TRPM6: variants seen among roughly 807,000 people sequenced by gnomAD.
The protein encoded by TRPM6 is transient receptor potential cation channel subfamily M member 6, also known as channel kinase 2.
In TRPM6, 111 loss-of-function variants were observed where a neutral mutation model predicts 247.6. The ratio of observed to expected loss-of-function variants is 0.45; its 90% CI spans 0.38 to 0.52. The LOEUF is 0.52. Among genes scored for constraint, TRPM6 ranks in the 20% least tolerant of loss-of-function variants. The pLI, the probability that TRPM6 is intolerant of heterozygous loss-of-function variation, is 0.00. For synonymous variants in TRPM6, 892 were observed against 853.8 expected (o/e 1.04, Z -0.78); for missense variants, 2,126 against 2,421.5 (o/e 0.88, Z 2.56).
At chr9:74,814,569 T>C (rs1037823413) in intron 11 of TRPM6, among the ~76,000 whole-genome samples, 2 of 152,042 alleles carry the variant, frequency 1.3e-5, no homozygotes, top group Non-Finnish European at 2.9e-5. Flanking sequence ...CATAAATATA[T>C]ACACCCACTG....
intron 7 of TRPM6, among the ~76,000 whole-genome samples, chr9:74,826,307 G>C (rs557002016): frequency 5.3e-5 from 8 of 152,304 alleles, no homozygotes; most frequent in Admixed American, 4.6e-4. Context: ...GCTTCAATCT[G>C]TCTGACCTCA....
At chr9:74,731,848 T>C (rs1369037416) in intron 37 of TRPM6, among the ~76,000 whole-genome samples, 1 of 152,028 alleles carries the variant, frequency 6.6e-6, no homozygotes, top group African/African-American at 2.4e-5. Flanking sequence ...TGGGAACTTG[T>C]AAGAAATGCA....
chr9:74,869,872 T>G (rs1242924625), intron 1 of TRPM6, among the ~76,000 whole-genome samples: 1 of 152,206 alleles, frequency 6.6e-6, no homozygotes, highest in Non-Finnish European at 1.5e-5. Context: ...TGAAGTAATC[T>G]TATATCTCTG....
At chr9:74,800,902 G>T (rs1217467453) in intron 16 of TRPM6, among the ~76,000 whole-genome samples, 25 of 126,998 alleles carry the variant, frequency 2.0e-4, no homozygotes, top group African/African-American at 4.2e-4. Flanking sequence ...CTAATAAAGT[G>T]TGTTTTTTTT....
intron 20 of TRPM6, among the ~76,000 whole-genome samples, chr9:74,786,505 C>G (rs1345629136): frequency 6.6e-6 from 1 of 152,054 alleles, no homozygotes; most frequent in Non-Finnish European, 1.5e-5. Context: ...TTTGGGAGGC[C>G]GAGGCAGGTG....
At chr9:74,803,436 A>T (rs1188579109) in intron 15 of TRPM6, among the ~76,000 whole-genome samples, 2 of 152,200 alleles carry the variant, frequency 1.3e-5, no homozygotes, top group African/African-American at 4.8e-5. Context: ...TGAAGAAAAG[A>T]AGGAAACAGA....
chr9:74,796,071 T>C (rs1828086402), intron 18 of TRPM6, among the ~76,000 whole-genome samples: 1 of 152,190 alleles, frequency 6.6e-6, no homozygotes, highest in South Asian at 2.1e-4. Context: ...ACTTAATCAG[T>C]GTTATGAAAT....
intron 6 of TRPM6, among the ~76,000 whole-genome samples, chr9:74,833,747 C>T (rs1237736730): frequency 6.6e-6 from 1 of 152,140 alleles, no homozygotes; most frequent in Non-Finnish European, 1.5e-5. Context: ...TAAAGTGGAA[C>T]TGATAGATCA....
At chr9:74,818,380 G>A (rs929347740) in intron 9 of TRPM6, among the ~76,000 whole-genome samples, 3 of 125,788 alleles carry the variant, frequency 2.4e-5, no homozygotes, top group South Asian at 2.7e-4. Flanking sequence ...TCGGCTCACC[G>A]CAACCTCTGC....
rs1416246169 is a variant in TRPM6, at chr9:74,723,098, G to A, written c.*1515C>T. 6.6e-6 allele frequency: 1 copy of A among 152,128 alleles called. No individual in the cohort carries two copies. The highest frequency in any genetic ancestry group is 6.5e-5 in the Admixed American group (1 of 15,268). 9.4% of individuals were successfully genotyped at this position (152,128 alleles called of 1,614,324 possible). A position where few individuals can be genotyped will look rare whatever the true frequency, so the allele number is the denominator to read the frequency against. ...TTGTGTGAAAAGCTGGTGCTTGTTCGAGGTAGGGCAACCAGGCCCAGCATA... is the reference window on the plus strand; with the variant it reads ...TTGTGTGAAAAGCTGGTGCTTGTTCAAGGTAGGGCAACCAGGCCCAGCATA... On this transcript the variant is annotated 3_prime_UTR_variant, in exon 39 of 39. Coordinates refer to ENST00000360774, the MANE Select transcript of TRPM6 (RefSeq NM_017662.5).
At chr9:74,827,562 T>G (rs940515202) in intron 7 of TRPM6, 2 of 667,256 alleles carry the variant, frequency 3.0e-6, no homozygotes, top group Non-Finnish European at 5.5e-6. Flanking sequence ...CATGGAAGGA[T>G]GAAGACTTTA....
At chr9:74,867,368 A>G (rs932534616) in intron 1 of TRPM6, among the ~76,000 whole-genome samples, 6 of 152,182 alleles carry the variant, frequency 3.9e-5, no homozygotes, top group Admixed American at 3.3e-4. Flanking sequence ...ACAGAGAACT[A>G]CTGCACACAA....
At chr9:74,887,358 G>A in intron 1 of TRPM6, 2 of 1,390,366 alleles carry the variant, frequency 1.4e-6, no homozygotes, top group Non-Finnish European at 1.9e-6. Flanking sequence ...CGCGACCCCC[G>A]GCTAGTCAGC....
At chr9:74,786,521 C>T (rs766805384) in intron 20 of TRPM6, among the ~76,000 whole-genome samples, 5 of 151,106 alleles carry the variant, frequency 3.3e-5, no homozygotes, top group Non-Finnish European at 5.9e-5. Flanking sequence ...AGGTGGATCA[C>T]GGAGGTCAGG....
chr9:74,817,756 C>T (rs954044908), intron 9 of TRPM6, among the ~76,000 whole-genome samples: 4 of 151,820 alleles, frequency 2.6e-5, no homozygotes, highest in African/African-American at 9.7e-5. Flanking sequence ...GGGGAGTCAC[C>T]TGTTATTAAT....
chr9:74,771,175 A>G (rs1298035747), intron 25 of TRPM6, among the ~76,000 whole-genome samples: 1 of 151,956 alleles, frequency 6.6e-6, no homozygotes, highest in Non-Finnish European at 1.5e-5. Flanking sequence ...CCACTGCCTC[A>G]CTTCTTTCAG....
intron 36 of TRPM6, among the ~76,000 whole-genome samples, chr9:74,735,135 C>T (rs1825651710): frequency 6.6e-6 from 1 of 151,680 alleles, no homozygotes; most frequent in Non-Finnish European, 1.5e-5. Flanking sequence ...GTAGGAGGAT[C>T]GTTAGAGCCC....
At chr9:74,729,252 T>A (rs904531055) in intron 37 of TRPM6, among the ~76,000 whole-genome samples, 7 of 152,198 alleles carry the variant, frequency 4.6e-5, no homozygotes, top group Admixed American at 1.3e-4. Context: ...TACCACGTCT[T>A]AAGAAAAAAG....
intron 27 of TRPM6, among the ~76,000 whole-genome samples, chr9:74,757,058 G>T (rs1826450704): frequency 6.6e-6 from 1 of 151,606 alleles, no homozygotes; most frequent in African/African-American, 2.4e-5. Context: ...TATGCCTATA[G>T]TCCCAGCTAC....
Sources: allele counts gnomAD v4.1 joint callset (sites outside exome capture counted in the v4.1 genomes callset), GRCh38; gene constraint gnomAD v4.1.1; transcripts MANE v1.5; gene names NCBI Gene and HGNC (gene_info 2026-07-23, HGNC 2026-07-21).